The following APP variants were observed in gnomAD, a reference collection of about 807,000 sequenced individuals.
The protein encoded by APP is amyloid-beta precursor protein.
APP carries 31 observed loss-of-function variants against 101.4 expected under a neutral mutation model. That is an observed-to-expected ratio of 0.31 (90% CI 0.23 to 0.41). The LOEUF (loss-of-function observed/expected upper bound fraction) is 0.41, where lower values mean the gene tolerates loss of function less well. Ranked by LOEUF, APP falls within the 10% of genes least tolerant of loss-of-function variation. The pLI is 1.00. For synonymous variants in APP, 366 were observed against 364.4 expected (o/e 1.00, Z -0.05); for missense variants, 839 against 1,003.7 (o/e 0.84, Z 2.22).
chr21:25,958,380 G>A (rs1399049097), intron 11 of APP, among the ~76,000 whole-genome samples: 1 of 152,130 alleles, frequency 6.6e-6, no homozygotes, highest in Non-Finnish European at 1.5e-5. Flanking sequence ...GGGTTCAAGT[G>A]ATTCTCCTGC....
intron 13 of APP, chr21:25,945,380 C>CTT (rs553853354): frequency 0.16 from 12,114 of 74,734 alleles, 2,920 homozygotes; most frequent in Middle Eastern, 0.24. Context: ...GCAATCCGCA[C>CTT]TTTTTTTTTT....
At chr21:25,921,141 C>T (rs1424668013) in intron 13 of APP, among the ~76,000 whole-genome samples, 49 of 130,930 alleles carry the variant, frequency 3.7e-4, no homozygotes, top group African/African-American at 1.2e-3. Flanking sequence ...GGGTACATAA[C>T]GAAATGAAGG....
chr21:26,018,886 C>A lies in APP; in HGVS notation c.865+2954G>T, dbSNP rs554393029. ...TTTATGAAATTCTTTTAACTGCCTT[C>A]GTCTTTCTACAGGAAATAAAACAAT... On this transcript the variant is annotated intron_variant, in intron 6 of 17. Coordinates refer to ENST00000346798, the MANE Select transcript of APP (RefSeq NM_000484.4). Among the ~76,000 whole-genome samples, 3 of 152,262 alleles carry A rather than the reference C, an allele frequency of 2.0e-5. 1 individual carries two copies. Among genetic ancestry groups the A allele is most frequent in the African/African-American group, 7.2e-5 (3 of 41,538 alleles).
At chr21:26,141,585 C>G (rs191501237) in intron 1 of APP, among the ~76,000 whole-genome samples, 5 of 152,136 alleles carry the variant, frequency 3.3e-5, no homozygotes, top group Admixed American at 1.3e-4. Flanking sequence ...TGAACATGAA[C>G]AGAGCCTCTG....
intron 6 of APP, among the ~76,000 whole-genome samples, chr21:26,010,506 G>C (rs1428205318): frequency 6.6e-6 from 1 of 152,062 alleles, no homozygotes; most frequent in Non-Finnish European, 1.5e-5. Flanking sequence ...ACAGAAGTTA[G>C]AGCTTACATT....
Position 25,973,712 on chromosome 21 carries a change from G to C in APP, c.1458+1358C>G, listed in dbSNP as rs45578740. On this transcript the variant is annotated intron_variant, in intron 11 of 17. Coordinates refer to ENST00000346798, the MANE Select transcript of APP (RefSeq NM_000484.4). ...AATCCCAGCACTGTGGGAGGCCGAG[G>C]TGGGTGGATCACCTGAGGTCAGGAG... 3.7e-4 allele frequency among the ~76,000 whole-genome samples: 56 copies of C among 152,188 alleles called. No homozygotes were observed. In the East Asian group the frequency reaches 0.011, roughly 29 times the overall value.
rs779922022 is a variant in APP, at chr21:25,975,934, G to C, written c.1299+20C>G. On this transcript the variant is annotated intron_variant, in intron 10 of 17. Transcript: ENST00000346798. Reference sequence around the variant, plus strand: ...ACTGCTGGCATGTGATGTTTGGTAGGAAATGGGTTCAGGTTTTACCTGGAT... The same window carrying C: ...ACTGCTGGCATGTGATGTTTGGTAGCAAATGGGTTCAGGTTTTACCTGGAT... 1.9e-6 allele frequency: 3 copies of C among 1,605,838 alleles called. No homozygotes were observed. The highest frequency in any genetic ancestry group is 2.6e-6 in the Non-Finnish European group (3 of 1,172,672).
At chr21:26,135,827 C>G (rs1476674837) in intron 1 of APP, among the ~76,000 whole-genome samples, 1 of 152,032 alleles carries the variant, frequency 6.6e-6, no homozygotes, top group African/African-American at 2.4e-5. Flanking sequence ...AATATCTGGA[C>G]TTGTGTTTTA....
chr21:25,993,748 G>C (rs1401201112), intron 8 of APP, among the ~76,000 whole-genome samples: 1 of 152,136 alleles, frequency 6.6e-6, no homozygotes, highest in Non-Finnish European at 1.5e-5. Context: ...CTCTAGAACA[G>C]GATTCTCAAC....
At position 26,166,373 on chromosome 21, in the gene APP, C is replaced by T. The variant is rs180941969; in HGVS notation, c.57+4191G>A. Among the ~76,000 whole-genome samples the T allele has an allele frequency of 5.3e-5, 8 of 152,164 alleles. No homozygotes were observed. In the East Asian group the frequency reaches 1.4e-3, roughly 26 times the overall value. On this transcript the variant is annotated intron_variant, in intron 1 of 17. Coordinates refer to ENST00000346798, the MANE Select transcript of APP (RefSeq NM_000484.4). ...GAGACCCACAGGGTGACAGCGTTTCCAAGGGTTTGCAAAAGACGGCATTTC... is the reference window on the plus strand; with the variant it reads ...GAGACCCACAGGGTGACAGCGTTTCTAAGGGTTTGCAAAAGACGGCATTTC...
chr21:26,140,219 C>T, intron 1 of APP: 1 of 1,536,122 alleles, frequency 6.5e-7, no homozygotes, highest in South Asian at 1.2e-5. Context: ...GAGCTGGCTC[C>T]AATCATTGTC....
At chr21:26,092,167 T>A (rs2061839197) in intron 2 of APP, among the ~76,000 whole-genome samples, 1 of 152,196 alleles carries the variant, frequency 6.6e-6, no homozygotes, top group Admixed American at 6.5e-5. Flanking sequence ...TTGCAGTAAT[T>A]TTGATTTTTA....
chr21:25,944,504 A>G (rs1178241053), intron 13 of APP, among the ~76,000 whole-genome samples: 1 of 152,238 alleles, frequency 6.6e-6, no homozygotes, highest in Non-Finnish European at 1.5e-5. Context: ...AATACATGCA[A>G]AATTTGTTTC....
chr21:26,118,826 C>T (rs1033950457), intron 1 of APP, among the ~76,000 whole-genome samples: 6 of 151,954 alleles, frequency 3.9e-5, no homozygotes, highest in African/African-American at 1.4e-4. Context: ...ACGCATGAGC[C>T]ACAACGCCTG....
At chr21:26,089,874 A>C in intron 3 of APP, 69 bp downstream of exon 3, 1 of 1,607,888 alleles carries the variant, frequency 6.2e-7, no homozygotes, top group Non-Finnish European at 8.5e-7. Flanking sequence ...ACCTAACAGG[A>C]GCATCCTCTT....
intron 2 of APP, among the ~76,000 whole-genome samples, chr21:26,099,053 T>G (rs1330062383): frequency 4.6e-5 from 7 of 152,198 alleles, no homozygotes; most frequent in Non-Finnish European, 1.0e-4. Context: ...TTACTATTCT[T>G]TCTACTTGTA....
chr21:26,012,425 C>T (rs73896804), intron 6 of APP, among the ~76,000 whole-genome samples: 3,561 of 152,160 alleles, frequency 0.023, 146 homozygotes, highest in African/African-American at 0.081. Context: ...CTTGCCTCCC[C>T]TTGACTTTTT....
intron 2 of APP, among the ~76,000 whole-genome samples, chr21:26,099,136 G>T (rs1448029935): frequency 1.3e-5 from 2 of 151,426 alleles, no homozygotes; most frequent in African/African-American, 2.4e-5. Context: ...GAAACAGCCA[G>T]GTTTCTAAAT....
intron 17 of APP, among the ~76,000 whole-genome samples, chr21:25,882,117 A>T (rs567370813): frequency 1.2e-4 from 19 of 152,132 alleles, no homozygotes; most frequent in Middle Eastern, 6.8e-3. Flanking sequence ...AACAGAGTCA[A>T]CGGAAGCCTG....
Sources: gnomAD v4.1 joint callset for allele counts (sites outside exome capture counted in the v4.1 genomes callset) on GRCh38, gnomAD v4.1.1 for gene constraint, MANE v1.5 for transcripts, NCBI Gene and HGNC (gene_info 2026-07-23, HGNC 2026-07-21) for gene names.